Variants in MARCHF8 observed in about 807,000 individuals in gnomAD.
The protein encoded by MARCHF8 is E3 ubiquitin-protein ligase MARCHF8.
MARCHF8 carries 40 observed loss-of-function variants against 51.6 expected under a neutral mutation model. The ratio of observed to expected loss-of-function variants is 0.77; its 90% CI spans 0.60 to 1.01. The LOEUF (loss-of-function observed/expected upper bound fraction) is 1.01. MARCHF8 is among the 50% of genes least tolerant of loss of function. MARCHF8 has a pLI of 0.00. For missense variants in MARCHF8, 685 were observed against 708.6 expected (o/e 0.97, Z 0.38); for synonymous variants, 263 against 280.3 (o/e 0.94, Z 0.62).
chr10:45,464,637 G>A (rs1481038009), intron 3 of MARCHF8, among the ~76,000 whole-genome samples: 1 of 152,120 alleles, frequency 6.6e-6, no homozygotes. Flanking sequence ...GTCAAAAAAC[G>A]AAGTACTAGA....
intron 2 of MARCHF8, among the ~76,000 whole-genome samples, chr10:45,499,418 C>A (rs1006804445): frequency 1.3e-5 from 2 of 152,154 alleles, no homozygotes; most frequent in South Asian, 4.1e-4. Context: ...TCCTTTGATG[C>A]CCAGAAGTTT....
At chr10:45,583,505 T>G (rs2044578402) in intron 1 of MARCHF8, among the ~76,000 whole-genome samples, 1 of 152,216 alleles carries the variant, frequency 6.6e-6, no homozygotes, top group Admixed American at 6.5e-5. Context: ...CATGAATATA[T>G]GTACCCATAT....
intron 3 of MARCHF8, among the ~76,000 whole-genome samples, chr10:45,477,126 C>T (rs1416247347): frequency 2.0e-5 from 3 of 151,976 alleles, no homozygotes; most frequent in South Asian, 2.1e-4. Context: ...GGACCCCCAT[C>T]GAACCAACAG....
At chr10:45,585,905 C>G (rs2044613548) in intron 1 of MARCHF8, among the ~76,000 whole-genome samples, 1 of 152,082 alleles carries the variant, frequency 6.6e-6, no homozygotes, top group Middle Eastern at 3.2e-3. Flanking sequence ...ACCACCTGGA[C>G]ATAATTAGTA....
intron 1 of MARCHF8, among the ~76,000 whole-genome samples, chr10:45,540,730 C>G (rs2044041060): frequency 6.6e-6 from 1 of 152,074 alleles, no homozygotes; most frequent in Non-Finnish European, 1.5e-5. Context: ...AAGAAAAAAA[C>G]AAACAACCCC....
rs34446338 is a variant in MARCHF8, at chr10:45,580,003, CAAAAAAAA to C, written c.-79+14224_-79+14231del. ...ACTCCAGCCTGAAAGACTCCGTCTC[CAAAAAAAA>C]AAAAAAAAAAAAAAAAAAAATCCAC... On this transcript the variant is annotated intron_variant, in intron 1 of 6. Coordinates refer to the MARCHF8 transcript ENST00000319836. Among the ~76,000 whole-genome samples the C allele has an allele frequency of 1.9e-4, 7 of 36,466 alleles. No homozygotes were observed. The South Asian group carries it at 4.0e-3, about 21-fold the overall frequency. 23.9% of individuals were successfully genotyped at this position (36,466 alleles called of 152,430 possible).
intron 1 of MARCHF8, among the ~76,000 whole-genome samples, chr10:45,576,328 C>A (rs1377931902): frequency 6.6e-6 from 1 of 152,112 alleles, no homozygotes; most frequent in Non-Finnish European, 1.5e-5. Context: ...GAACTTCAAC[C>A]CCATCTCACA....
chr10:45,521,665 T>C (rs996848995), intron 2 of MARCHF8, among the ~76,000 whole-genome samples: 3 of 152,232 alleles, frequency 2.0e-5, no homozygotes, highest in African/African-American at 7.2e-5. Flanking sequence ...AACTTGCCCA[T>C]TGGCCTTTAA....
intron 1 of MARCHF8, among the ~76,000 whole-genome samples, chr10:45,560,087 G>A (rs1269429651): frequency 6.6e-6 from 1 of 151,966 alleles, no homozygotes; most frequent in East Asian, 1.9e-4. Flanking sequence ...AGGGAGGTGA[G>A]GCTGAAAGAA....
chr10:45,570,708 C>A (rs1246621723), intron 1 of MARCHF8, among the ~76,000 whole-genome samples: 2 of 152,068 alleles, frequency 1.3e-5, no homozygotes, highest in African/African-American at 4.8e-5. Flanking sequence ...TGTTAACAAA[C>A]AAATTTTTAA....
intron 3 of MARCHF8, among the ~76,000 whole-genome samples, chr10:45,481,892 G>A (rs2042893673): frequency 6.6e-6 from 1 of 151,986 alleles, no homozygotes; most frequent in South Asian, 2.1e-4. Flanking sequence ...GTCCCTTTTT[G>A]CAGATGATAT....
rs1188898203 is a variant in MARCHF8, at chr10:45,520,009, C to T, written c.102+13101G>A. Among the ~76,000 whole-genome samples the T allele has an allele frequency of 4.6e-5, 7 of 152,272 alleles. No individual in the cohort carries two copies. In the East Asian group the frequency reaches 1.2e-3, roughly 25 times the overall value. ...GCACCTGGAGTGCACCACTCACTGC[C>T]CAGGTGATGAGAACTACGCACTCAG... is the stretch of plus-strand genomic sequence containing the variant. On this transcript the variant is annotated intron_variant, in intron 2 of 7. Transcript: ENST00000453424.
chr10:45,459,655 G>A (rs1409155701), intron 6 of MARCHF8: 1 of 953,382 alleles, frequency 1.0e-6, no homozygotes, highest in Non-Finnish European at 1.2e-6. Flanking sequence ...GCATGGACGA[G>A]CGGAAGAAGA....
chr10:45,500,521 A>G (rs1430406538), intron 2 of MARCHF8, among the ~76,000 whole-genome samples: 6 of 152,014 alleles, frequency 3.9e-5, no homozygotes, highest in African/African-American at 1.4e-4. Context: ...TTAGAGGAAA[A>G]ATTTTCAGAC....
intron 2 of MARCHF8, among the ~76,000 whole-genome samples, chr10:45,527,059 T>A (rs143809618): frequency 3.5e-4 from 54 of 152,292 alleles, no homozygotes; most frequent in Non-Finnish European, 6.8e-4. Context: ...AGTTTAAAAA[T>A]TTTTTAAACA....
At chr10:45,520,661 C>G (rs1394378741) in intron 2 of MARCHF8, among the ~76,000 whole-genome samples, 1 of 152,206 alleles carries the variant, frequency 6.6e-6, no homozygotes, top group Non-Finnish European at 1.5e-5. Context: ...TTTACCTAGT[C>G]TACAAGTTCC....
At chr10:45,518,285 G>A (rs2043651811) in intron 2 of MARCHF8, among the ~76,000 whole-genome samples, 1 of 152,192 alleles carries the variant, frequency 6.6e-6, no homozygotes, top group South Asian at 2.1e-4. Flanking sequence ...GAGTATCTGT[G>A]ATTCTACCAT....
At chr10:45,582,496 G>A (rs894730294) in intron 1 of MARCHF8, among the ~76,000 whole-genome samples, 1 of 152,030 alleles carries the variant, frequency 6.6e-6, no homozygotes, top group African/African-American at 2.4e-5. Flanking sequence ...TTAAACAGGA[G>A]ACCAAAAAAA....
chr10:45,488,003 G>A (rs2133077717), intron 3 of MARCHF8, among the ~76,000 whole-genome samples: 1 of 152,232 alleles, frequency 6.6e-6, no homozygotes, highest in East Asian at 1.9e-4. Context: ...GTATGGCGAA[G>A]GGGTTGGCCA....
Sources: allele counts gnomAD v4.1 joint callset (sites outside exome capture counted in the v4.1 genomes callset), GRCh38; gene constraint gnomAD v4.1.1; transcripts MANE v1.5; gene names NCBI Gene and HGNC (gene_info 2026-07-23, HGNC 2026-07-21).